PCDHGA10: variants seen among roughly 807,000 people sequenced by gnomAD.
PCDHGA10 encodes protocadherin gamma subfamily A, 10.
PCDHGA10 carries 42 observed loss-of-function variants against 59.5 expected under a neutral mutation model. The observed-to-expected ratio is 0.71, with a 90% confidence interval of 0.55 to 0.91. The LOEUF is 0.91. PCDHGA10 is among the 40% of genes least tolerant of loss of function. PCDHGA10 has a pLI of 0.00. For missense variants in PCDHGA10, 1,111 were observed against 1,198.2 expected (o/e 0.93, Z 1.07); for synonymous variants, 511 against 517.2 (o/e 0.99, Z 0.16).
At chr5:141,418,013 A>G (rs769578436) in intron 1 of PCDHGA10, 45 of 1,613,788 alleles carry the variant, frequency 2.8e-5, no homozygotes, top group African/African-American at 4.0e-5. Flanking sequence ...GAACCTCGCT[A>G]AGGATCTAGG....
chr5:141,468,950 T>TG (rs752125489), intron 1 of PCDHGA10, among the ~76,000 whole-genome samples: 34 of 140,680 alleles, frequency 2.4e-4, no homozygotes, highest in African/African-American at 4.9e-4. Context: ...GGTAAACCTG[T>TG]GGTTTTTTTT....
intron 2 of PCDHGA10, 30 bp from the exon 3 acceptor site, chr5:141,505,361 AGT>A: frequency 6.2e-7 from 1 of 1,613,910 alleles, no homozygotes; most frequent in Non-Finnish European, 8.5e-7. Context: ...CCGGCCTGGG[AGT>A]CTGTGCTCAC....
intron 1 of PCDHGA10, chr5:141,471,533 G>C (rs921328911): frequency 1.3e-5 from 2 of 152,234 alleles, no homozygotes. Context: ...AGGAAGCTAT[G>C]ATAGCATTTA....
chr5:141,481,736 G>A (rs569415213), intron 1 of PCDHGA10, among the ~76,000 whole-genome samples: 23 of 151,934 alleles, frequency 1.5e-4, no homozygotes, highest in African/African-American at 4.3e-4. Flanking sequence ...GGCGGATCAC[G>A]AGGTCAGGAG....
chr5:141,433,223 T>C lies in PCDHGA10; in HGVS notation c.2436+17612T>C, dbSNP rs2097577369. On this transcript the variant is annotated intron_variant, in intron 1 of 3. Coordinates refer to ENST00000398610, the MANE Select transcript of PCDHGA10 (RefSeq NM_018913.3). The stretch of plus-strand genomic sequence containing the variant: ...AATCTTCTTTCTTTTTTTTTTTTAA[T>C]TGCTCTGTCTCCCAAGCTGGAATGC... The C allele has an allele frequency of 4.6e-6, 7 of 1,525,952 alleles. No individual in the cohort carries two copies. In the East Asian group the frequency reaches 1.6e-4, roughly 34 times the overall value. The allele number at this position is 1,525,952 out of a possible 1,614,324, so 94.5% of individuals were successfully genotyped here. A position where few individuals can be genotyped will look rare whatever the true frequency, so the allele number is the denominator to read the frequency against.
intron 1 of PCDHGA10, among the ~76,000 whole-genome samples, chr5:141,473,773 T>C (rs1473510505): frequency 6.6e-6 from 1 of 152,254 alleles, no homozygotes; most frequent in Non-Finnish European, 1.5e-5. Context: ...GGATTTGGTA[T>C]TTTAATTCAA....
rs1488446232 is a variant in PCDHGA10, at chr5:141,493,171, A to G, written c.2437-1636A>G. On this transcript the variant is annotated intron_variant, in intron 1 of 3. Coordinates refer to ENST00000398610, the MANE Select transcript of PCDHGA10 (RefSeq NM_018913.3). This position sits in a 1 kb window ranked among gnomAD's most constrained non-coding sequence, Gnocchi z 4.3. ...GGTGATTTTGATAGCTGATTGAGAG[A>G]AACTTACTATATAACTCCTTTGAGA... is the stretch of plus-strand genomic sequence containing the variant. 6.6e-6 allele frequency among the ~76,000 whole-genome samples: 1 copy of G among 152,214 alleles called. No homozygotes were observed. The highest frequency in any genetic ancestry group is 1.5e-5 in the Non-Finnish European group (1 of 68,034).
intron 2 of PCDHGA10, among the ~76,000 whole-genome samples, chr5:141,502,500 G>A (rs1398797155): frequency 6.6e-6 from 1 of 152,046 alleles, no homozygotes; most frequent in Non-Finnish European, 1.5e-5. Context: ...ATCTAACGTC[G>A]GCCTGTCCCA....
chr5:141,504,206 A>C (rs1209911822), intron 2 of PCDHGA10, among the ~76,000 whole-genome samples: 1 of 152,218 alleles, frequency 6.6e-6, no homozygotes, highest in East Asian at 1.9e-4. Context: ...CTGTGGGAAA[A>C]TTCCAAGTAG....
chr5:141,473,147 T>A (rs2099315103), intron 1 of PCDHGA10, among the ~76,000 whole-genome samples: 1 of 152,222 alleles, frequency 6.6e-6, no homozygotes, highest in Admixed American at 6.5e-5. Flanking sequence ...TCTCTTCAGA[T>A]CACTAGGGCT....
Position 141,489,941 on chromosome 5 carries a change from A to G in PCDHGA10, c.2437-4866A>G. Reference sequence around the variant, plus strand: ...ACCCTTATCTCTGTCATCGTGCTGGACATCAATGATAATGCTCCAACCTTC... The same window carrying G: ...ACCCTTATCTCTGTCATCGTGCTGGGCATCAATGATAATGCTCCAACCTTC... On this transcript the variant is annotated intron_variant, in intron 1 of 3. Transcript: ENST00000398610. The surrounding 1 kb of genome is among the most constrained non-coding windows in gnomAD (Gnocchi z 4.5). 1.2e-6 allele frequency: 2 copies of G among 1,614,228 alleles called. No homozygotes were observed. The highest frequency in any genetic ancestry group is 1.7e-6 in the Non-Finnish European group (2 of 1,180,034).
rs1259562533 is a variant in PCDHGA10 at position 141,482,788 on chromosome 5, G to T, written c.2437-12019G>T. 2.6e-5 allele frequency among the ~76,000 whole-genome samples: 4 copies of T among 152,184 alleles called. 1 individual carries two copies. Among genetic ancestry groups the T allele is most frequent in the Admixed American group, 2.6e-4 (4 of 15,278 alleles). ...TATCACTGAACCTTAAACTGTGTGTGTGGCCGGGTACGGTGGCTCATGCCT... is the reference window on the plus strand; with the variant it reads ...TATCACTGAACCTTAAACTGTGTGTTTGGCCGGGTACGGTGGCTCATGCCT... On this transcript the variant is annotated intron_variant, in intron 1 of 3. Transcript: ENST00000398610.
Position 141,453,270 on chromosome 5 carries a change from T to C in PCDHGA10, c.2436+37659T>C, listed in dbSNP as rs1592250907. 4.6e-5 allele frequency among the ~76,000 whole-genome samples: 7 copies of C among 152,146 alleles called. No homozygotes were observed. In the South Asian group the frequency reaches 1.5e-3, roughly 32 times the overall value. On this transcript the variant is annotated intron_variant, in intron 1 of 3. Transcript: ENST00000398610. The stretch of plus-strand genomic sequence containing the variant: ...CTGGGGCTGCAAGTGCACACCACCA[T>C]GACTGGCTAATTTTTTAATTATTTA...
At position 141,422,880 on chromosome 5, in the gene PCDHGA10, G is replaced by C. The variant is rs970045921; in HGVS notation, c.2436+7269G>C. The C allele has an allele frequency of 7.4e-6, 12 of 1,614,140 alleles. No individual in the cohort carries two copies. In the Admixed American group the frequency reaches 2.0e-4, roughly 27 times the overall value. ...TCAGCAGCAACGTGTCGCTGAGCCT[G>C]TTCGTGCTGGACCAGAACGACAATG... On this transcript the variant is annotated intron_variant, in intron 1 of 3. Coordinates refer to ENST00000398610, the MANE Select transcript of PCDHGA10 (RefSeq NM_018913.3).
intron 1 of PCDHGA10, among the ~76,000 whole-genome samples, chr5:141,474,089 CAAACAACAACAA>C (rs985204397): frequency 3.3e-5 from 5 of 152,116 alleles, no homozygotes; most frequent in Admixed American, 2.0e-4. Flanking sequence ...AACCAAAAAA[CAAACAACAACAA>C]AAACAACAAC....
chr5:141,427,105 A>C (rs1413188668), intron 1 of PCDHGA10: 1 of 457,776 alleles, frequency 2.2e-6, no homozygotes, highest in Non-Finnish European at 4.4e-6. Flanking sequence ...GTCAATGCGG[A>C]GATCACCTAC....
At chr5:141,501,755 G>C (rs2099810889) in intron 2 of PCDHGA10, among the ~76,000 whole-genome samples, 1 of 152,116 alleles carries the variant, frequency 6.6e-6, no homozygotes, top group Non-Finnish European at 1.5e-5. Context: ...GAAGCTCTCA[G>C]TAAATGGTTA....
At chr5:141,459,499 G>A (rs2098968854) in intron 1 of PCDHGA10, among the ~76,000 whole-genome samples, 1 of 152,172 alleles carries the variant, frequency 6.6e-6, no homozygotes, top group Non-Finnish European at 1.5e-5. Context: ...TTAAAGTGAT[G>A]TGAACAATCA....
intron 1 of PCDHGA10, chr5:141,423,880 G>T: frequency 7.8e-7 from 1 of 1,282,292 alleles, no homozygotes; most frequent in Non-Finnish European, 9.9e-7. Flanking sequence ...TTTCAATCTT[G>T]GCATATTTTC....
Sources: allele counts gnomAD v4.1 joint callset (sites outside exome capture counted in the v4.1 genomes callset), GRCh38; gene constraint gnomAD v4.1.1; non-coding constraint Gnocchi (gnomAD v3.1); transcripts MANE v1.5; gene names NCBI Gene and HGNC (gene_info 2026-07-23, HGNC 2026-07-21).